KIAA1217: variants seen among roughly 807,000 people sequenced by gnomAD.
The protein encoded by KIAA1217 is sickle tail protein homolog.
In KIAA1217, 88 loss-of-function variants were observed where a neutral mutation model predicts 163.9. That is an observed-to-expected ratio of 0.54 (90% CI 0.45 to 0.64). The LOEUF is 0.64. Ranked by LOEUF, KIAA1217 falls within the 30% of genes least tolerant of loss-of-function variation. The probability of loss-of-function intolerance (pLI) is 0.00; values close to 1 mark genes in which losing one functional copy is unlikely to be tolerated. For synonymous variants in KIAA1217, 903 were observed against 923.1 expected (o/e 0.98, Z 0.39); for missense variants, 2,372 against 2,475.0 (o/e 0.96, Z 0.88).
intron 2 of KIAA1217, among the ~76,000 whole-genome samples, chr10:24,176,773 C>T (rs573373943): frequency 1.4e-4 from 21 of 152,302 alleles, no homozygotes; most frequent in South Asian, 4.1e-4. Flanking sequence ...CACCGCGGAG[C>T]GGGGGTGGCG....
At chr10:23,756,806 A>G (rs1833943947) in intron 1 of KIAA1217, among the ~76,000 whole-genome samples, 1 of 152,262 alleles carries the variant, frequency 6.6e-6, no homozygotes, top group South Asian at 2.1e-4. Context: ...TTTTAAGTGT[A>G]CAATTCAGTG....
At chr10:23,764,712 C>A (rs1490640524) in intron 1 of KIAA1217, among the ~76,000 whole-genome samples, 1 of 152,010 alleles carries the variant, frequency 6.6e-6, no homozygotes, top group Non-Finnish European at 1.5e-5. Flanking sequence ...CCAAACACCA[C>A]ATGTACTCAC....
chr10:24,100,150 T>G, intron 2 of KIAA1217, among the ~76,000 whole-genome samples: 1 of 152,068 alleles, frequency 6.6e-6, no homozygotes, highest in Non-Finnish European at 1.5e-5. Context: ...GTTTTTTTTG[T>G]TTGTTTTCAT....
chr10:23,792,831 G>A (rs1165155048), intron 1 of KIAA1217, among the ~76,000 whole-genome samples: 1 of 151,988 alleles, frequency 6.6e-6, no homozygotes, highest in African/African-American at 2.4e-5. Context: ...GATTGAACGT[G>A]GGTAAAAACT....
intron 1 of KIAA1217, among the ~76,000 whole-genome samples, chr10:23,986,583 G>GT (rs552815134): frequency 1.3e-5 from 2 of 152,064 alleles, no homozygotes; most frequent in African/African-American, 4.8e-5. Flanking sequence ...ATTTTTTGTT[G>GT]TTTTTTTATG....
chr10:23,973,657 A>G (rs895996400), intron 1 of KIAA1217, among the ~76,000 whole-genome samples: 3 of 152,234 alleles, frequency 2.0e-5, no homozygotes, highest in African/African-American at 4.8e-5. Context: ...ATATACTTCA[A>G]ACAAGCACTG....
intron 1 of KIAA1217, among the ~76,000 whole-genome samples, chr10:23,879,684 A>G (rs10828562): frequency 6.6e-6 from 1 of 151,804 alleles, no homozygotes. Context: ...TTCTTTAATG[A>G]GTTTCTGTAT....
intron 2 of KIAA1217, among the ~76,000 whole-genome samples, chr10:24,080,592 T>C (rs1187494138): frequency 6.6e-6 from 1 of 152,206 alleles, no homozygotes; most frequent in Non-Finnish European, 1.5e-5. Context: ...AAAAAGCCTG[T>C]CTCCATTTTA....
intron 1 of KIAA1217, among the ~76,000 whole-genome samples, chr10:23,987,015 T>C (rs1295619620): frequency 6.6e-6 from 1 of 152,182 alleles, no homozygotes; most frequent in African/African-American, 2.4e-5. Flanking sequence ...TTCTTTGCGT[T>C]GCCCATTCTT....
chr10:24,312,433 T>C lies in KIAA1217; in HGVS notation c.355-68436T>C, dbSNP rs542859164. On this transcript the variant is annotated intron_variant, in intron 2 of 20. Coordinates refer to ENST00000376454, the MANE Select transcript of KIAA1217 (RefSeq NM_019590.5). ...GAGTTCGAGATCAGCCTGGGCAAGATGGTAAAACCTCGTCTCTACGAAAAG... is the reference window on the plus strand; with the variant it reads ...GAGTTCGAGATCAGCCTGGGCAAGACGGTAAAACCTCGTCTCTACGAAAAG... 5.2e-4 allele frequency among the ~76,000 whole-genome samples: 79 copies of C among 151,876 alleles called. 1 individual carries two copies. Among genetic ancestry groups the C allele is most frequent in the Middle Eastern group, 3.4e-3 (1 of 292 alleles).
At chr10:24,234,268 TC>T (rs2071865770) in intron 2 of KIAA1217, among the ~76,000 whole-genome samples, 1 of 146,238 alleles carries the variant, frequency 6.8e-6, no homozygotes, top group Non-Finnish European at 1.5e-5. Flanking sequence ...TATTCTAAAA[TC>T]CAAAAAAAAA....
chr10:24,288,905 G>A (rs571084136), intron 2 of KIAA1217, among the ~76,000 whole-genome samples: 3 of 152,238 alleles, frequency 2.0e-5, no homozygotes, highest in Admixed American at 6.5e-5. Context: ...TATCAAATTT[G>A]CACTTTAGGC....
intron 2 of KIAA1217, among the ~76,000 whole-genome samples, chr10:24,232,706 G>T (rs1222668085): frequency 6.6e-6 from 1 of 152,092 alleles, no homozygotes. Context: ...GTCTTTTCTT[G>T]TCAAACTTGA....
intron 14 of KIAA1217, among the ~76,000 whole-genome samples, chr10:24,531,602 C>T (rs118013026): frequency 0.011 from 1,606 of 152,260 alleles, 19 homozygotes; most frequent in Non-Finnish European, 0.017. Context: ...TTATACTACC[C>T]ATTTAACAGA....
At chr10:23,810,886 A>C (rs1236624842) in intron 1 of KIAA1217, among the ~76,000 whole-genome samples, 22 of 123,124 alleles carry the variant, frequency 1.8e-4, no homozygotes, top group Non-Finnish European at 2.5e-4. Flanking sequence ...TATAGTATAC[A>C]TATCATATAG....
At chr10:24,164,834 G>A (rs1444223400) in intron 2 of KIAA1217, among the ~76,000 whole-genome samples, 5 of 152,176 alleles carry the variant, frequency 3.3e-5, no homozygotes, top group African/African-American at 4.8e-5. Flanking sequence ...AAAAGAAGAA[G>A]AGAGAATAAT....
At chr10:23,704,176 A>ATATATATATATATATG (rs1836715428) in intron 1 of KIAA1217, among the ~76,000 whole-genome samples, 1 of 37,042 alleles carries the variant, frequency 2.7e-5, no homozygotes, top group Admixed American at 3.0e-4. Context: ...GTGTGTGTAT[A>ATATATATATATATATG]TATATATATA....
chr10:23,751,006 G>GT (rs140629408), intron 1 of KIAA1217, among the ~76,000 whole-genome samples: 1,205 of 115,040 alleles, frequency 0.01, 24 homozygotes, highest in Admixed American at 0.057. Flanking sequence ...CCTTCCCTTT[G>GT]TTTTTTTTTT....
At chr10:23,873,626 G>A (rs980395954) in intron 1 of KIAA1217, among the ~76,000 whole-genome samples, 6 of 151,960 alleles carry the variant, frequency 3.9e-5, no homozygotes, top group Admixed American at 3.3e-4. Flanking sequence ...CGCAATTTTG[G>A]TTGAAGGAAA....
Sources: gnomAD v4.1 joint callset for allele counts (sites outside exome capture counted in the v4.1 genomes callset) on GRCh38, gnomAD v4.1.1 for gene constraint, MANE v1.5 for transcripts, NCBI Gene and HGNC (gene_info 2026-07-23, HGNC 2026-07-21) for gene names.